SLC24A4: variants seen among roughly 807,000 people sequenced by gnomAD.
SLC24A4 encodes sodium/potassium/calcium exchanger 4.
SLC24A4 carries 53 observed loss-of-function variants against 79.0 expected under a neutral mutation model. The ratio of observed to expected loss-of-function variants is 0.67; its 90% confidence interval spans 0.54 to 0.84. The LOEUF is 0.84. Ranked by LOEUF, SLC24A4 falls within the 40% of genes least tolerant of loss-of-function variation. The probability of loss-of-function intolerance (pLI) is 0.00; values close to 1 mark genes in which losing one functional copy is unlikely to be tolerated. For missense variants in SLC24A4, 731 were observed against 822.0 expected, an observed-to-expected ratio of 0.89 and a Z score of 1.35; for synonymous variants, 323 against 323.8, an observed-to-expected ratio of 1.00 and a Z score of 0.03.
chr14:92,426,070 C>A (rs1466304931), intron 2 of SLC24A4, among the ~76,000 whole-genome samples: 1 of 152,076 alleles, frequency 6.6e-6, no homozygotes, highest in East Asian at 1.9e-4. Flanking sequence ...TCTTCAGCAT[C>A]AGGGCAGGGA....
At chr14:92,394,203 C>G (rs905105998) in intron 2 of SLC24A4, among the ~76,000 whole-genome samples, 1 of 152,032 alleles carries the variant, frequency 6.6e-6, no homozygotes, top group Non-Finnish European at 1.5e-5. Context: ...CTTTTATTCT[C>G]ACAGTTTTGT....
chr14:92,474,709 G>GTA (rs201628605), intron 12 of SLC24A4, among the ~76,000 whole-genome samples: 3 of 8,078 alleles, frequency 3.7e-4, no homozygotes, highest in African/African-American at 6.9e-4. Flanking sequence ...ATACGTGTGT[G>GTA]TATATATATA....
intron 12 of SLC24A4, among the ~76,000 whole-genome samples, chr14:92,481,079 A>T (rs942381948): frequency 1.3e-5 from 2 of 152,168 alleles, no homozygotes; most frequent in Non-Finnish European, 2.9e-5. Flanking sequence ...GCATGCCTCC[A>T]ACACTCAGGC....
At chr14:92,484,011 T>G in intron 13 of SLC24A4, 1 of 985,392 alleles carries the variant, frequency 1.0e-6, no homozygotes, top group South Asian at 4.7e-5. Flanking sequence ...CGCTGAATCC[T>G]AGTCCTACCT....
intron 12 of SLC24A4, 144 bp from the exon 13 acceptor site, chr14:92,482,536 A>T: frequency 1.5e-6 from 1 of 680,686 alleles, no homozygotes; most frequent in Middle Eastern, 2.6e-4. Flanking sequence ...GAGTTCTGTG[A>T]TTCTGCAAGG....
Position 92,501,393 on chromosome 14 carries a change from A to G in SLC24A4, c.*7765A>G, listed in dbSNP as rs1332723914. ...TGAAGAAAAAAATCTACAGCAATCT[A>G]AACTAAACCTTTCTAAGAAATCTAG... On this transcript the variant is annotated 3_prime_UTR_variant, in exon 17 of 17. Transcript: ENST00000532405. 6.6e-6 allele frequency: 1 copy of G among 152,238 alleles called. No individual in the cohort carries two copies. The highest frequency in any genetic ancestry group is 2.1e-4 in the South Asian group (1 of 4,838). 9.4% of individuals were successfully genotyped at this position (152,238 alleles called of 1,614,324 possible). A position where few individuals can be genotyped will look rare whatever the true frequency, so the allele number is the denominator to read the frequency against.
rs528844020 is a variant in SLC24A4 at position 92,411,478 on chromosome 14, A to G, written c.242-22434A>G. Among the ~76,000 whole-genome samples, 6 of 152,198 alleles carry G rather than the reference A, an allele frequency of 3.9e-5. No individual in the cohort carries two copies. In the South Asian group the frequency reaches 1.2e-3, roughly 32 times the overall value. ...TCCTAACCATCTCTGAGACCAGGTA[A>G]TTCCCTTCTTTCATTTAGGTTCTTA... On this transcript the variant is annotated intron_variant, in intron 2 of 16. Coordinates refer to ENST00000532405, the MANE Select transcript of SLC24A4 (RefSeq NM_153646.4).
intron 2 of SLC24A4, among the ~76,000 whole-genome samples, chr14:92,339,069 C>T (rs1315940567): frequency 6.6e-6 from 1 of 152,160 alleles, no homozygotes; most frequent in Non-Finnish European, 1.5e-5. Context: ...GATCAGGACA[C>T]CCGGAAGGAG....
chr14:92,330,222 A>G (rs1352322962), intron 2 of SLC24A4, among the ~76,000 whole-genome samples: 1 of 152,216 alleles, frequency 6.6e-6, no homozygotes, highest in Non-Finnish European at 1.5e-5. Context: ...GCACTGCTGG[A>G]CACTTGGTAG....
chr14:92,412,772 G>T (rs546890227), intron 2 of SLC24A4, among the ~76,000 whole-genome samples: 1 of 151,646 alleles, frequency 6.6e-6, no homozygotes, highest in Non-Finnish European at 1.5e-5. Flanking sequence ...CCTTCCCACC[G>T]CCTCACCACC....
Position 92,474,825 on chromosome 14 carries a change from A to ATGTGTGTGTGTG in SLC24A4, c.1256-7854_1256-7853insGTGTGTGTGTGT, listed in dbSNP as rs762949686. 7.1e-3 allele frequency among the ~76,000 whole-genome samples: 227 copies of ATGTGTGTGTGTG among 31,756 alleles called. 3 individuals are homozygous for ATGTGTGTGTGTG. The highest frequency in any genetic ancestry group is 0.04 in the Middle Eastern group (2 of 50). The allele number at this position is 31,756 out of a possible 152,430, so 20.8% of individuals were successfully genotyped here. The stretch of plus-strand genomic sequence containing the variant: ...TATACATATATACATATATATACAT[A>ATGTGTGTGTGTG]TATATGTGTGTGTGTGTGTATATAT... On this transcript the variant is annotated intron_variant, in intron 12 of 16. Coordinates refer to ENST00000532405, the MANE Select transcript of SLC24A4 (RefSeq NM_153646.4).
At chr14:92,429,370 TAGATAAGTATGTG>T (rs1047130830) in intron 2 of SLC24A4, among the ~76,000 whole-genome samples, 1 of 28,220 alleles carries the variant, frequency 3.5e-5, no homozygotes, top group African/African-American at 1.9e-4. Context: ...GTATGTGAGA[TAGATAAGTATGTG>T]AGATAGATAA....
intron 4 of SLC24A4, 74 bp downstream of exon 4, chr14:92,439,483 GC>G: frequency 7.4e-7 from 1 of 1,360,140 alleles, no homozygotes; most frequent in Non-Finnish European, 1.1e-6. Flanking sequence ...AGCCAAGAAG[GC>G]CAGGGCTGGC....
chr14:92,344,165 C>A, intron 2 of SLC24A4, among the ~76,000 whole-genome samples: 1 of 152,172 alleles, frequency 6.6e-6, no homozygotes, highest in East Asian at 1.9e-4. Flanking sequence ...GAGCAGACAC[C>A]ACTTACGTGA....
chr14:92,446,136 C>T (rs981192541), intron 8 of SLC24A4, among the ~76,000 whole-genome samples: 1 of 151,852 alleles, frequency 6.6e-6, no homozygotes, highest in African/African-American at 2.4e-5. Context: ...TAAAAATTTT[C>T]TTTTGATTGC....
intron 12 of SLC24A4, among the ~76,000 whole-genome samples, chr14:92,472,754 G>A (rs574241575): frequency 6.6e-6 from 1 of 152,336 alleles, no homozygotes; most frequent in East Asian, 1.9e-4. Flanking sequence ...ACATGTGTAT[G>A]CAAGTAACTT....
chr14:92,489,340 G>A (rs555086732), intron 14 of SLC24A4, among the ~76,000 whole-genome samples: 41 of 152,272 alleles, frequency 2.7e-4, no homozygotes, highest in Admixed American at 6.5e-4. Context: ...TCGGGAGGCT[G>A]AGGCAGGAGA....
chr14:92,445,509 C>T (rs1892752150), intron 8 of SLC24A4, among the ~76,000 whole-genome samples, 167 bp downstream of exon 8: 2 of 152,108 alleles, frequency 1.3e-5, no homozygotes, highest in Non-Finnish European at 2.9e-5. Context: ...TTTCTTTATC[C>T]TGTCAAAGTG....
intron 2 of SLC24A4, among the ~76,000 whole-genome samples, chr14:92,350,434 A>G (rs754752602): frequency 1.6e-4 from 25 of 152,322 alleles, no homozygotes; most frequent in Middle Eastern, 3.4e-3. Context: ...AGTTAAACTT[A>G]TAGTCAAGAT....
Sources: allele counts gnomAD v4.1 joint callset (sites outside exome capture counted in the v4.1 genomes callset), GRCh38; gene constraint gnomAD v4.1.1; transcripts MANE v1.5; gene names NCBI Gene and HGNC (gene_info 2026-07-23, HGNC 2026-07-21).